SGIP1: variants seen among roughly 807,000 people sequenced by gnomAD.
SGIP1 encodes the protein SH3GL interacting endocytic adaptor 1, also known as SH3-containing GRB2-like protein 3-interacting protein 1.
SGIP1 carries 38 observed loss-of-function variants against 107.5 expected under a neutral mutation model. That is an observed-to-expected ratio of 0.35 (90% CI 0.27 to 0.46). The LOEUF (loss-of-function observed/expected upper bound fraction) is 0.46, where lower values mean the gene tolerates loss of function less well. SGIP1 is among the 20% of genes least tolerant of loss of function. The probability of loss-of-function intolerance (pLI) is 1.00; values close to 1 mark genes in which losing one functional copy is unlikely to be tolerated. For missense variants in SGIP1, 929 were observed against 1,019.5 expected (o/e 0.91, Z 1.21); for synonymous variants, 365 against 366.1 (o/e 1.00, Z 0.03).
intron 1 of SGIP1, among the ~76,000 whole-genome samples, chr1:66,589,296 ATGTT>A (rs1409562863): frequency 1.4e-5 from 2 of 147,074 alleles, no homozygotes; most frequent in Non-Finnish European, 3.0e-5. Flanking sequence ...AATCAATTTA[ATGTT>A]TGCTGAAGAG....
intron 17 of SGIP1, among the ~76,000 whole-genome samples, chr1:66,691,573 G>A (rs2089863089): frequency 6.6e-6 from 1 of 151,956 alleles, no homozygotes; most frequent in Non-Finnish European, 1.5e-5. Context: ...GGCAATTTGG[G>A]GCTTCCTATC....
intron 1 of SGIP1, among the ~76,000 whole-genome samples, chr1:66,570,693 C>G: frequency 6.6e-6 from 1 of 152,032 alleles, no homozygotes; most frequent in Middle Eastern, 3.4e-3. Context: ...TAGTATTGAG[C>G]AAAACATATG....
At chr1:66,601,470 A>G (rs1045117948) in intron 1 of SGIP1, among the ~76,000 whole-genome samples, 2 of 151,984 alleles carry the variant, frequency 1.3e-5, no homozygotes, top group Non-Finnish European at 2.9e-5. Flanking sequence ...TTCTCTGTCC[A>G]TTATTTTTGT....
intron 3 of SGIP1, among the ~76,000 whole-genome samples, chr1:66,634,705 G>A (rs1052948169): frequency 6.6e-6 from 1 of 152,186 alleles, no homozygotes; most frequent in East Asian, 1.9e-4. Context: ...TGATTTCTTA[G>A]GAAATAACAC....
intron 14 of SGIP1, among the ~76,000 whole-genome samples, 192 bp downstream of exon 14, chr1:66,679,944 A>C (rs895288029): frequency 1.3e-5 from 2 of 152,250 alleles, no homozygotes; most frequent in East Asian, 1.9e-4. Flanking sequence ...CACACACACA[A>C]AAAAGTAATA....
Position 66,695,830 on chromosome 1 carries a change from C to T in SGIP1, c.1630+337C>T, listed in dbSNP as rs904121355. On this transcript the variant is annotated intron_variant, in intron 18 of 24. Coordinates refer to ENST00000371037, the MANE Select transcript of SGIP1 (RefSeq NM_032291.4). The stretch of plus-strand genomic sequence containing the variant: ...TCTGTCAACCAGGGCTCTTTCCTAA[C>T]TCTTTTGCAAATGCAGTGCAACAAA... 3.9e-5 allele frequency among the ~76,000 whole-genome samples: 6 copies of T among 152,222 alleles called. No individual in the cohort carries two copies. The South Asian group carries it at 8.3e-4, about 21-fold the overall frequency.
intron 1 of SGIP1, among the ~76,000 whole-genome samples, chr1:66,565,535 T>C (rs556033931): frequency 6.6e-6 from 1 of 151,996 alleles, no homozygotes; most frequent in South Asian, 2.1e-4. Flanking sequence ...GAGCTATACA[T>C]GAAAACGATG....
intron 7 of SGIP1, among the ~76,000 whole-genome samples, chr1:66,648,978 T>C: frequency 6.6e-6 from 1 of 152,218 alleles, no homozygotes; most frequent in East Asian, 1.9e-4. Context: ...GTACATGATG[T>C]GTAATTGGTA....
chr1:66,741,553 C>T, intron 24 of SGIP1, 117 bp downstream of exon 24: 1 of 1,087,818 alleles, frequency 9.2e-7, no homozygotes, highest in East Asian at 2.8e-5. Flanking sequence ...ACTCCCAACC[C>T]CCATCCCAAT....
intron 5 of SGIP1, among the ~76,000 whole-genome samples, chr1:66,640,496 C>T (rs2076573032): frequency 6.6e-6 from 1 of 152,114 alleles, no homozygotes; most frequent in Non-Finnish European, 1.5e-5. Flanking sequence ...ACAGGCTGAA[C>T]ATTTGGGGGA....
intron 15 of SGIP1, among the ~76,000 whole-genome samples, 184 bp downstream of exon 15, chr1:66,682,553 G>C (rs1245343106): frequency 1.3e-5 from 2 of 152,170 alleles, no homozygotes; most frequent in African/African-American, 4.8e-5. Flanking sequence ...CATGGTCCAA[G>C]TCTGTGGATG....
rs200595806 is a variant in SGIP1, at chr1:66,630,938, A to G, written c.75-2132A>G. Among the ~76,000 whole-genome samples the G allele has an allele frequency of 2.1e-3, 137 of 66,016 alleles. 11 individuals are homozygous for G. The highest frequency in any genetic ancestry group is 4.6e-3 in the East Asian group (3 of 652). 43.3% of individuals were successfully genotyped at this position (66,016 alleles called of 152,430 possible). On this transcript the variant is annotated intron_variant, in intron 2 of 24. Coordinates refer to ENST00000371037, the MANE Select transcript of SGIP1 (RefSeq NM_032291.4). The stretch of plus-strand genomic sequence containing the variant: ...AGGGAGGGAGGAAGGAAGGAAGGAA[A>G]GAAAGAGAGAAAGAAAGAGAAAGAA...
intron 12 of SGIP1, 110 bp downstream of exon 12, chr1:66,673,476 C>G: frequency 2.0e-6 from 2 of 1,011,242 alleles, no homozygotes; most frequent in Non-Finnish European, 2.7e-6. Flanking sequence ...ATATTATTTT[C>G]GTGGGAAAGA....
intron 17 of SGIP1, among the ~76,000 whole-genome samples, chr1:66,693,284 A>AAATAAATAAATAAATAAATAAATAAATG (rs1479297873): frequency 6.6e-5 from 10 of 151,286 alleles, no homozygotes; most frequent in African/African-American, 2.4e-4. Context: ...ATAAATAAAT[A>AAATAAATAAATAAATAAATAAATAAATG]AAAAACAGTA....
chr1:66,544,451 C>G (rs536279437), intron 1 of SGIP1, among the ~76,000 whole-genome samples: 1 of 152,208 alleles, frequency 6.6e-6, no homozygotes, highest in Non-Finnish European at 1.5e-5. Flanking sequence ...TTAGGGAGGC[C>G]GAGGTAGGTG....
chr1:66,692,015 C>T (rs971496742), intron 17 of SGIP1, among the ~76,000 whole-genome samples: 4 of 151,820 alleles, frequency 2.6e-5, no homozygotes, highest in Non-Finnish European at 5.9e-5. Context: ...AAAAATTAGC[C>T]GGGTGTGGTG....
intron 5 of SGIP1, 60 bp from the exon 6 acceptor site, chr1:66,642,750 A>T: frequency 4.2e-6 from 6 of 1,435,800 alleles, no homozygotes; most frequent in Non-Finnish European, 5.7e-6. Flanking sequence ...TCTAGAAAAA[A>T]AATAATTTCT....
At chr1:66,635,161 A>G (rs7515444) in intron 3 of SGIP1, among the ~76,000 whole-genome samples, 47,140 of 152,152 alleles carry the variant, frequency 0.31, 7,715 homozygotes, top group East Asian at 0.63. Flanking sequence ...CAGTTTCTCA[A>G]AATCTAACGA....
Position 66,715,797 on chromosome 1 carries a change from T to C in SGIP1, c.1631-3497T>C, listed in dbSNP as rs115759655. Among the ~76,000 whole-genome samples the C allele has an allele frequency of 6.4e-3, 975 of 152,276 alleles. 11 individuals are homozygous for C. The highest frequency in any genetic ancestry group is 0.023 in the African/African-American group (938 of 41,548). ...CAAGCAAGTTTTCACCAAATCACAA[T>C]TGTTTCATTAATTTTAAACCTTGAT... On this transcript the variant is annotated intron_variant, in intron 18 of 24. Coordinates refer to ENST00000371037, the MANE Select transcript of SGIP1 (RefSeq NM_032291.4).
Sources: allele counts gnomAD v4.1 joint callset (sites outside exome capture counted in the v4.1 genomes callset), GRCh38; gene constraint gnomAD v4.1.1; transcripts MANE v1.5; gene names NCBI Gene and HGNC (gene_info 2026-07-23, HGNC 2026-07-21).